The following CDH23 variants were observed in gnomAD, a reference collection of about 807,000 sequenced individuals.
CDH23 encodes the protein cadherin-23.
CDH23 carries 189 observed loss-of-function variants against 317.1 expected under a neutral mutation model. The ratio of observed to expected loss-of-function variants is 0.60; its 90% confidence interval spans 0.53 to 0.67. CDH23 has a LOEUF of 0.67. CDH23 is among the 30% of genes least tolerant of loss of function. The pLI, the probability that CDH23 is intolerant of heterozygous loss-of-function variation, is 0.00. For missense variants in CDH23, 4,401 were observed against 4,592.4 expected (o/e 0.96, Z 1.20); for synonymous variants, 1,839 against 1,876.8 (o/e 0.98, Z 0.52).
At chr10:71,690,751 C>T (rs1159433047) in intron 20 of CDH23, among the ~76,000 whole-genome samples, 167 bp downstream of exon 20, 3 of 152,202 alleles carry the variant, frequency 2.0e-5, no homozygotes, top group Non-Finnish European at 2.9e-5. Context: ...AGTGTGATTA[C>T]TGATCTTACC....
rs138264369 is a variant in CDH23 at position 71,707,294 on chromosome 10, C to T, written c.3106+245C>T. The T allele has an allele frequency of 1.5e-4, 218 of 1,431,694 alleles. No homozygotes were observed. In the African/African-American group the frequency reaches 2.2e-3, roughly 15 times the overall value. The allele number at this position is 1,431,694 out of a possible 1,614,324, so 88.7% of individuals were successfully genotyped here. ...CTCCTGAACCTGTTGGTTGCAGGGACGGGGAGCATCTACCAAGGTTCATTC... is the reference window on the plus strand; with the variant it reads ...CTCCTGAACCTGTTGGTTGCAGGGATGGGGAGCATCTACCAAGGTTCATTC... On this transcript the variant is annotated intron_variant, in intron 26 of 69. Transcript: ENST00000224721.
chr10:71,778,164 C>T (rs1281086372), intron 39 of CDH23, 25 bp from the exon 40 acceptor site: 2 of 1,613,646 alleles, frequency 1.2e-6, no homozygotes, highest in Non-Finnish European at 1.7e-6. Context: ...TAGATCCATC[C>T]TTGTCCCTTC....
At chr10:71,800,566 G>A in intron 52 of CDH23, 70 bp from the exon 53 acceptor site, 2 of 1,520,398 alleles carry the variant, frequency 1.3e-6, no homozygotes, top group Non-Finnish European at 1.8e-6. Flanking sequence ...AACAGCATCT[G>A]GCCATAGTAG....
chr10:71,471,473 GC>G (rs1458205960), intron 3 of CDH23, among the ~76,000 whole-genome samples: 3 of 151,926 alleles, frequency 2.0e-5, no homozygotes, highest in African/African-American at 7.3e-5. Context: ...CGCACCCTCT[GC>G]CCCCTTTATG....
At chr10:71,466,631 G>A (rs10999828) in intron 3 of CDH23, among the ~76,000 whole-genome samples, 25,597 of 152,128 alleles carry the variant, frequency 0.17, 3,120 homozygotes, top group African/African-American at 0.34. Context: ...CACAGTGTAT[G>A]TGCGAGTGTA....
At chr10:71,741,060 T>C in intron 37 of CDH23, 110 bp downstream of exon 37, 1 of 1,281,072 alleles carries the variant, frequency 7.8e-7, no homozygotes, top group Non-Finnish European at 1.1e-6. Context: ...GTCCCTCAGA[T>C]CTCATGGATG....
rs368206785 is a variant in CDH23 at position 71,779,300 on chromosome 10, G to A, written c.5221G>A (p.Val1741Met). The A allele has an allele frequency of 1.9e-6, 3 of 1,613,924 alleles. No individual in the cohort carries two copies. Among genetic ancestry groups the A allele is most frequent in the African/African-American group, 1.3e-5 (1 of 74,946 alleles). Reference sequence around the variant, plus strand: ...GAATGTGAATGACATCAACGACAATGTGCCTACCTTCCCCCGGGACTATGA... The same window carrying A: ...GAATGTGAATGACATCAACGACAATATGCCTACCTTCCCCCGGGACTATGA... ...LVNVNDINDN[V>M]PTFPRDYEGP... Residue 1741 changes from valine to methionine, a missense_variant, in exon 41 of 70, where the codon GTG (valine) becomes ATG (methionine). Physicochemically the swap from Val to Met is conservative, Grantham distance 21. This residue lies in a region of CDH23 where 3,068 missense variants were observed against 3,203.3 expected (regional missense o/e 0.96). Transcript: ENST00000224721.
chr10:71,723,692 A>G (rs1866670164), intron 28 of CDH23, among the ~76,000 whole-genome samples: 1 of 152,196 alleles, frequency 6.6e-6, no homozygotes, highest in Non-Finnish European at 1.5e-5. Context: ...GGGCTCTGAA[A>G]GGCTGCCGGG....
At chr10:71,731,774 G>A (rs1283623257) in intron 31 of CDH23, among the ~76,000 whole-genome samples, 1 of 152,244 alleles carries the variant, frequency 6.6e-6, no homozygotes, top group East Asian at 1.9e-4. Flanking sequence ...CCAAGCCCCA[G>A]AGGAAGGCTC....
chr10:71,806,123 C>A (rs1187523892), intron 56 of CDH23, 45 bp from the exon 57 acceptor site: 1 of 1,537,248 alleles, frequency 6.5e-7, no homozygotes, highest in Non-Finnish European at 8.8e-7. Context: ...CCAAGCCAAT[C>A]CCCTCTCCCA....
Position 71,800,741 on chromosome 10 carries a change from G to C in CDH23, c.7468G>C (p.Glu2490Gln), listed in dbSNP as rs41281336. ...NPGDVASNRR[E>Q]NSVQVVIQVL... ...TGGGGATGTAGCCAGCAACCGTCGC[G>C]AAAATTCAGTGCAGGTGAGGGGTGC... is the stretch of plus-strand genomic sequence containing the variant. The change falls in exon 53 of 70, where the codon GAA becomes CAA. Residue 2490 changes from glutamate to glutamine, a missense_variant. Around this residue, in one of 3 missense-constraint regions of CDH23, gnomAD observed 189 missense variants for 250.9 expected, o/e 0.75. Transcript: ENST00000224721. 1 of 1,613,916 alleles carries C rather than the reference G, an allele frequency of 6.2e-7. No individual in the cohort carries two copies. The highest frequency in any genetic ancestry group is 1.7e-5 in the Admixed American group (1 of 60,024).
chr10:71,725,645 CATCT>C, intron 30 of CDH23, 125 bp downstream of exon 30: 1 of 1,148,670 alleles, frequency 8.7e-7, no homozygotes, highest in Non-Finnish European at 1.2e-6. Flanking sequence ...TGCTGAATGA[CATCT>C]GGGCCTAAGG....
chr10:71,447,739 C>T (rs527987723), intron 3 of CDH23, among the ~76,000 whole-genome samples: 95 of 152,302 alleles, frequency 6.2e-4, no homozygotes, highest in African/African-American at 2.2e-3. Flanking sequence ...AGCATACCCA[C>T]GTCCCTTGGG....
Position 71,762,066 on chromosome 10 carries a change from A to G in CDH23, c.4846-15614A>G, listed in dbSNP as rs552705403. The G allele has an allele frequency of 2.6e-6, 4 of 1,546,762 alleles. No individual in the cohort carries two copies. In the African/African-American group the frequency reaches 5.4e-5, roughly 21 times the overall value. ...GAGAGCCCTGTCACCTGACTGATCC[A>G]GTGCTACTCCTGGCAACCCCAGAGC... On this transcript the variant is annotated intron_variant, in intron 38 of 69. Coordinates refer to ENST00000224721, the MANE Select transcript of CDH23 (RefSeq NM_022124.6).
intron 14 of CDH23, among the ~76,000 whole-genome samples, chr10:71,663,651 A>G (rs751606788): frequency 1.3e-5 from 2 of 152,246 alleles, no homozygotes; most frequent in Non-Finnish European, 2.9e-5. Context: ...AAATGAAAGT[A>G]GTATTAGTAC....
chr10:71,809,355 T>G (rs1431618521), intron 60 of CDH23, among the ~76,000 whole-genome samples: 1 of 151,958 alleles, frequency 6.6e-6, no homozygotes, highest in East Asian at 1.9e-4. Context: ...GATTTTGTAT[T>G]TTTAGTACAG....
rs1352008121 is a variant in CDH23 at position 71,809,879 on chromosome 10, T to C, written c.8782T>C (p.Phe2928Leu). Residue 2928 changes from phenylalanine (F) to leucine (L), a missense_variant, in exon 61 of 70, where the codon TTC becomes CTC. By Grantham distance (22) the Phe-to-Leu change is conservative (BLOSUM62 0). Around this residue, in one of 3 missense-constraint regions of CDH23, gnomAD observed 1,144 missense variants for 1,138.2 expected, o/e 1.01. Transcript: ENST00000224721. ...CTTCATGGCCTACAGCCCCGGCTAC[T>C]TCGTGGTGGACATTGTGGCCCGAGA... ...DLFMAYSPGYFVVDIVARDLA... is the reference protein window; with the variant it reads ...DLFMAYSPGYLVVDIVARDLA... The C allele has an allele frequency of 6.2e-7, 1 of 1,613,450 alleles. No homozygotes were observed. Among genetic ancestry groups the C allele is most frequent in the Non-Finnish European group, 8.5e-7 (1 of 1,179,898 alleles).
intron 1 of CDH23, among the ~76,000 whole-genome samples, chr10:71,432,273 TGAGTGTGTTTGA>T (rs1297876790): frequency 8.6e-6 from 1 of 116,776 alleles, no homozygotes; most frequent in Non-Finnish European, 1.7e-5. Context: ...TGTGTGTGCA[TGAGTGTGTTTGA>T]GAGTGTGTGT....
intron 14 of CDH23, among the ~76,000 whole-genome samples, chr10:71,671,796 A>C (rs1262757332): frequency 6.6e-6 from 1 of 152,194 alleles, no homozygotes; most frequent in Non-Finnish European, 1.5e-5. Flanking sequence ...CAAGTCACTT[A>C]ACACCACTGC....
Sources: gnomAD v4.1 joint callset for allele counts (sites outside exome capture counted in the v4.1 genomes callset) on GRCh38, gnomAD v4.1.1 for gene constraint, gnomAD v4.1.1 regional missense constraint, MANE v1.5 for transcripts, NCBI Gene and HGNC (gene_info 2026-07-23, HGNC 2026-07-21) for gene names.